The following NAV2 variants were observed in gnomAD, a reference collection of about 807,000 sequenced individuals.
The protein encoded by NAV2 is neuron navigator 2.
A neutral mutation model predicts 223.2 loss-of-function variants in NAV2; 54 were observed. The observed-to-expected ratio is 0.24, with a 90% CI of 0.19 to 0.30. NAV2 has a LOEUF of 0.30. Among genes scored for constraint, NAV2 ranks in the 10% least tolerant of loss-of-function variants. NAV2 has a pLI of 1.00. For missense variants in NAV2, 2,806 were observed against 3,147.5 expected, an observed-to-expected ratio of 0.89 and a Z score of 2.60; for synonymous variants, 1,279 against 1,239.3, an observed-to-expected ratio of 1.03 and a Z score of -0.67.
intron 11 of NAV2, chr11:20,027,590 C>A: frequency 2.7e-6 from 1 of 369,698 alleles, no homozygotes; most frequent in Non-Finnish European, 3.7e-6. Context: ...CTCCTGGAAG[C>A]AGACCCAGCC....
intron 6 of NAV2, among the ~76,000 whole-genome samples, chr11:19,931,609 A>AAAAAAAGAAG: frequency 7.3e-6 from 1 of 137,328 alleles, no homozygotes; most frequent in African/African-American, 2.6e-5. Flanking sequence ...AAAAAAAAAA[A>AAAAAAAGAAG]GCAGAAGAAG....
intron 1 of NAV2, among the ~76,000 whole-genome samples, chr11:19,645,454 G>A (rs937352661): frequency 3.0e-4 from 45 of 152,272 alleles, no homozygotes; most frequent in Admixed American, 2.2e-3. Context: ...GGATTCAGAC[G>A]TGAACATCTT....
chr11:19,386,513 G>A (rs1228992637), intron 1 of NAV2, among the ~76,000 whole-genome samples: 2 of 152,192 alleles, frequency 1.3e-5, no homozygotes, highest in South Asian at 2.1e-4. Context: ...GGCATAAGAT[G>A]CACTCCAACA....
chr11:19,970,172 T>C (rs1186016539), intron 10 of NAV2, among the ~76,000 whole-genome samples: 1 of 151,938 alleles, frequency 6.6e-6, no homozygotes, highest in Non-Finnish European at 1.5e-5. Context: ...GTGAAAGCAG[T>C]TTTTTGTTTT....
chr11:20,057,475 G>T (rs2058438512), intron 19 of NAV2, among the ~76,000 whole-genome samples: 1 of 152,110 alleles, frequency 6.6e-6, no homozygotes, highest in Non-Finnish European at 1.5e-5. Context: ...AGTCACTGAG[G>T]GGCATTTGTG....
At chr11:19,377,397 C>T (rs917384195) in intron 1 of NAV2, among the ~76,000 whole-genome samples, 10 of 152,220 alleles carry the variant, frequency 6.6e-5, no homozygotes, top group African/African-American at 2.4e-4. Context: ...CTAACTCCTA[C>T]CCTGCTCTGT....
At chr11:20,108,486 A>G (rs2062344109) in intron 36 of NAV2, among the ~76,000 whole-genome samples, 1 of 152,114 alleles carries the variant, frequency 6.6e-6, no homozygotes. Context: ...TCTGTCACCC[A>G]GACTGGAGTA....
intron 1 of NAV2, among the ~76,000 whole-genome samples, chr11:19,577,922 C>T (rs147017179): frequency 1.3e-3 from 202 of 152,294 alleles, no homozygotes; most frequent in African/African-American, 4.5e-3. Context: ...CAGCGACAGG[C>T]GCCCAAAATA....
chr11:20,074,842 G>A (rs781739192), intron 22 of NAV2, among the ~76,000 whole-genome samples: 6 of 141,864 alleles, frequency 4.2e-5, no homozygotes, highest in African/African-American at 1.1e-4. Context: ...GTCTTTGCAC[G>A]TGAGATGGGT....
In NAV2 at chr11:19,477,222, C is replaced by A. The variant is rs150631781; in HGVS notation, c.75+126195C>A. ...TGAGGGTATTGCTAAGAAAAAAATG[C>A]AAACCCTATAAAACCTGTCATATTT... On this transcript the variant is annotated intron_variant, in intron 1 of 37. Transcript: ENST00000360655. Among the ~76,000 whole-genome samples the A allele has an allele frequency of 5.7e-3, 866 of 152,280 alleles. 11 individuals carry two copies. Among genetic ancestry groups the A allele is most frequent in the African/African-American group, 0.02 (820 of 41,544 alleles).
intron 1 of NAV2, among the ~76,000 whole-genome samples, chr11:19,746,589 A>C (rs1471397439): frequency 6.6e-6 from 1 of 152,220 alleles, no homozygotes; most frequent in Non-Finnish European, 1.5e-5. Context: ...GGATTGAATA[A>C]GTAGTTATGG....
At chr11:19,438,511 G>T (rs931278096) in intron 1 of NAV2, among the ~76,000 whole-genome samples, 1 of 152,168 alleles carries the variant, frequency 6.6e-6, no homozygotes, top group Non-Finnish European at 1.5e-5. Context: ...AAATGTGAGG[G>T]TTTTCCACAC....
intron 1 of NAV2, among the ~76,000 whole-genome samples, chr11:19,532,804 T>G (rs552785780): frequency 2.0e-5 from 3 of 152,238 alleles, no homozygotes; most frequent in Non-Finnish European, 4.4e-5. Flanking sequence ...TTCAAAGGGT[T>G]GTCCCACATA....
intron 1 of NAV2, among the ~76,000 whole-genome samples, chr11:19,686,840 A>T (rs2152246408): frequency 6.6e-6 from 1 of 152,370 alleles, no homozygotes; most frequent in South Asian, 2.1e-4. Flanking sequence ...TATAACATTT[A>T]GTCTTTAATG....
At chr11:19,357,158 G>A (rs1296250429) in intron 1 of NAV2, among the ~76,000 whole-genome samples, 1 of 152,186 alleles carries the variant, frequency 6.6e-6, no homozygotes, top group Non-Finnish European at 1.5e-5. Context: ...CTTCCCACTG[G>A]CATCCTGTGT....
intron 6 of NAV2, among the ~76,000 whole-genome samples, chr11:19,904,782 A>G (rs2042733931): frequency 6.6e-6 from 1 of 152,198 alleles, no homozygotes; most frequent in Admixed American, 6.5e-5. Flanking sequence ...GGCTCTCTTG[A>G]GAGTAGTGAG....
At chr11:19,841,118 A>G (rs1486192912) in intron 2 of NAV2, among the ~76,000 whole-genome samples, 1 of 152,196 alleles carries the variant, frequency 6.6e-6, no homozygotes, top group African/African-American at 2.4e-5. Flanking sequence ...AGAAAATGCA[A>G]TTAGATCTCT....
intron 1 of NAV2, among the ~76,000 whole-genome samples, chr11:19,809,128 T>A (rs1172299328): frequency 6.6e-6 from 1 of 152,254 alleles, no homozygotes; most frequent in African/African-American, 2.4e-5. Flanking sequence ...GCTTCTTTTT[T>A]GTTAAGTCCT....
intron 1 of NAV2, among the ~76,000 whole-genome samples, chr11:19,726,418 A>C (rs1307728322): frequency 1.3e-5 from 2 of 152,202 alleles, no homozygotes; most frequent in African/African-American, 4.8e-5. Context: ...CATTTTGAAG[A>C]TGAGGATGCC....
Sources: allele counts gnomAD v4.1 joint callset (sites outside exome capture counted in the v4.1 genomes callset), GRCh38; gene constraint gnomAD v4.1.1; transcripts MANE v1.5; gene names NCBI Gene and HGNC (gene_info 2026-07-23, HGNC 2026-07-21).